NXPH2: variants seen among roughly 807,000 people sequenced by gnomAD.
The protein encoded by NXPH2 is neurexophilin-2.
Under a neutral mutation model 19.8 loss-of-function variants are expected in NXPH2, and 5 were observed. The observed-to-expected ratio is 0.25, with a 90% CI of 0.13 to 0.53. NXPH2 has a LOEUF of 0.53. Among genes scored for constraint, NXPH2 ranks in the 20% least tolerant of loss-of-function variants. The pLI is 0.96. For synonymous variants in NXPH2, 154 were observed against 127.4 expected (o/e 1.21, Z -1.41); for missense variants, 289 against 322.8 (o/e 0.90, Z 0.80).
Position 138,671,567 on chromosome 2 carries a change from T to C in NXPH2, c.150A>G (p.Ser50=), listed in dbSNP as rs781410705. ...PGTLVGNVVH[S]RIISPLRLFV... ...ACAGGCGCAGGGGACTGATGATCCT[T>C]GAGTGCACCACGTTGCCGACCAACG... The change falls in exon 2 of 2, where the codon TCA becomes TCG. Residue 50 remains serine, a synonymous_variant. Coordinates refer to ENST00000272641, the MANE Select transcript of NXPH2 (RefSeq NM_007226.3). 7 of 1,613,824 alleles carry C rather than the reference T, an allele frequency of 4.3e-6. No individual in the cohort carries two copies. The highest frequency in any genetic ancestry group is 5.9e-6 in the Non-Finnish European group (7 of 1,179,854).
At chr2:138,707,449 G>A (rs1162373690) in intron 1 of NXPH2, among the ~76,000 whole-genome samples, 4 of 152,120 alleles carry the variant, frequency 2.6e-5, no homozygotes, top group Non-Finnish European at 5.9e-5. Flanking sequence ...TGATCTGGGG[G>A]GGAGAAAAGC....
chr2:138,718,599 C>T (rs541770065), intron 1 of NXPH2, among the ~76,000 whole-genome samples: 1 of 152,184 alleles, frequency 6.6e-6, no homozygotes, highest in South Asian at 2.1e-4. Flanking sequence ...AGAAAGGTAG[C>T]AGCTGAATAT....
intron 1 of NXPH2, among the ~76,000 whole-genome samples, chr2:138,674,833 T>C (rs905626387): frequency 1.3e-5 from 2 of 152,216 alleles, no homozygotes. Flanking sequence ...CATAGTCTAC[T>C]ACCTATTTTT....
chr2:138,735,192 C>T (rs1681520084), intron 1 of NXPH2, among the ~76,000 whole-genome samples: 1 of 152,100 alleles, frequency 6.6e-6, no homozygotes, highest in Non-Finnish European at 1.5e-5. Context: ...GAATATGAAA[C>T]AGCTGAACTA....
chr2:138,670,300 C>T lies in NXPH2; in HGVS notation c.*622G>A, dbSNP rs950855841. On this transcript the variant is annotated 3_prime_UTR_variant, in exon 2 of 2. Transcript: ENST00000272641. ...ATGGTGACCAACACAGGGCTAAGTGCTCAAATCACATTCCACGCAACTGTA... is the reference window on the plus strand; with the variant it reads ...ATGGTGACCAACACAGGGCTAAGTGTTCAAATCACATTCCACGCAACTGTA... 6.6e-6 allele frequency among the ~76,000 whole-genome samples: 1 copy of T among 152,164 alleles called. No individual in the cohort carries two copies. Among genetic ancestry groups the T allele is most frequent in the African/African-American group, 2.4e-5 (1 of 41,444 alleles).
At chr2:138,679,501 C>T (rs1450823389) in intron 1 of NXPH2, among the ~76,000 whole-genome samples, 1 of 151,508 alleles carries the variant, frequency 6.6e-6, no homozygotes, top group African/African-American at 2.4e-5. Context: ...CCCGGGTTCA[C>T]GCCATTCTCC....
intron 1 of NXPH2, among the ~76,000 whole-genome samples, chr2:138,764,226 G>T (rs983721096): frequency 6.6e-6 from 1 of 152,028 alleles, no homozygotes; most frequent in African/African-American, 2.4e-5. Flanking sequence ...TTCCCTTTGT[G>T]CTGGCTTATA....
chr2:138,709,407 T>C (rs1011538289), intron 1 of NXPH2, among the ~76,000 whole-genome samples: 7 of 152,130 alleles, frequency 4.6e-5, no homozygotes, highest in African/African-American at 1.7e-4. Flanking sequence ...ACAGCAAAAT[T>C]AGCAGCCAAG....
In NXPH2 at chr2:138,739,471, G is replaced by T. The variant is rs115460670; in HGVS notation, c.51+40720C>A. The stretch of plus-strand genomic sequence containing the variant: ...AGGAGCTATTTTGGAAATAGAATAT[G>T]GAATGACCTAAGCTGTGGAGGGTGT... On this transcript the variant is annotated intron_variant, in intron 1 of 1. Transcript: ENST00000272641. Among the ~76,000 whole-genome samples the T allele has an allele frequency of 7.4e-3, 1,132 of 152,312 alleles. 2 individuals are homozygous for T. Among genetic ancestry groups the T allele is most frequent in the Non-Finnish European group, 0.011 (750 of 68,032 alleles).
At chr2:138,720,772 A>C (rs757076193) in intron 1 of NXPH2, among the ~76,000 whole-genome samples, 10 of 152,148 alleles carry the variant, frequency 6.6e-5, no homozygotes, top group Non-Finnish European at 8.8e-5. Context: ...GGGGTCTCTG[A>C]GCTTCAGTTC....
chr2:138,678,174 C>T (rs945256566), intron 1 of NXPH2, among the ~76,000 whole-genome samples: 3 of 152,156 alleles, frequency 2.0e-5, no homozygotes, highest in East Asian at 1.9e-4. Context: ...TCTGAAGTAC[C>T]TGGCAGATAT....
chr2:138,759,000 G>T (rs867946737), intron 1 of NXPH2, among the ~76,000 whole-genome samples: 1 of 152,128 alleles, frequency 6.6e-6, no homozygotes, highest in Non-Finnish European at 1.5e-5. Context: ...AGCAATTTGT[G>T]ACCAGGTATG....
At chr2:138,734,415 C>T (rs1452580048) in intron 1 of NXPH2, among the ~76,000 whole-genome samples, 2 of 152,114 alleles carry the variant, frequency 1.3e-5, no homozygotes, top group African/African-American at 4.8e-5. Flanking sequence ...TTTCTGTTGT[C>T]TCATGCATAA....
chr2:138,766,425 T>C (rs993603997), intron 1 of NXPH2, among the ~76,000 whole-genome samples: 17 of 152,200 alleles, frequency 1.1e-4, no homozygotes, highest in African/African-American at 3.4e-4. Flanking sequence ...CATTTGTCAA[T>C]GTCTGGAGAC....
chr2:138,721,984 A>T (rs1021400563), intron 1 of NXPH2, among the ~76,000 whole-genome samples: 1 of 152,230 alleles, frequency 6.6e-6, no homozygotes, highest in African/African-American at 2.4e-5. Flanking sequence ...GATTCAGTAG[A>T]AAGAGCACAG....
chr2:138,780,155 C>G, intron 1 of NXPH2, 36 bp downstream of exon 1: 1 of 1,473,264 alleles, frequency 6.8e-7, no homozygotes, highest in Non-Finnish European at 8.9e-7. Context: ...AAACGCGTCC[C>G]CGGCGTGTGG....
intron 1 of NXPH2, among the ~76,000 whole-genome samples, chr2:138,763,118 A>AAGAC (rs1302497545): frequency 2.0e-5 from 3 of 152,216 alleles, no homozygotes; most frequent in Non-Finnish European, 4.4e-5. Flanking sequence ...AAAAGACAGT[A>AAGAC]AGATAGTAAA....
chr2:138,772,873 T>C (rs1682201266), intron 1 of NXPH2, among the ~76,000 whole-genome samples: 1 of 152,228 alleles, frequency 6.6e-6, no homozygotes, highest in South Asian at 2.1e-4. Context: ...CTCTGAAACC[T>C]GTGGTGTGCT....
At chr2:138,699,646 G>T (rs987993238) in intron 1 of NXPH2, among the ~76,000 whole-genome samples, 1 of 152,090 alleles carries the variant, frequency 6.6e-6, no homozygotes, top group Non-Finnish European at 1.5e-5. Flanking sequence ...GTGAGGGCAG[G>T]CCTTGCTGGG....
Sources: allele counts gnomAD v4.1 joint callset (sites outside exome capture counted in the v4.1 genomes callset), GRCh38; gene constraint gnomAD v4.1.1; transcripts MANE v1.5; gene names NCBI Gene and HGNC (gene_info 2026-07-23, HGNC 2026-07-21).